Variants in SERPINI1 observed in about 807,000 individuals in gnomAD.
The protein encoded by SERPINI1 is serpin family I member 1.
SERPINI1 carries 19 observed loss-of-function variants against 41.1 expected under a neutral mutation model. The observed-to-expected ratio is 0.46, with a 90% CI of 0.32 to 0.68. The LOEUF (loss-of-function observed/expected upper bound fraction) is 0.68, where lower values mean the gene tolerates loss of function less well. Ranked by LOEUF, SERPINI1 falls within the 30% of genes least tolerant of loss-of-function variation. The pLI, the probability that SERPINI1 is intolerant of heterozygous loss-of-function variation, is 0.03. For missense variants in SERPINI1, 460 were observed against 479.2 expected (o/e 0.96, Z 0.37); for synonymous variants, 138 against 156.6 (o/e 0.88, Z 0.89).
At position 167,821,985 on chromosome 3, in the gene SERPINI1, G is replaced by T. The variant is rs78822092; in HGVS notation, c.980-1001G>T. Among the ~76,000 whole-genome samples, 1,390 of 152,234 alleles carry T rather than the reference G, an allele frequency of 9.1e-3. 22 individuals are homozygous for T. The highest frequency in any genetic ancestry group is 0.032 in the African/African-American group (1,310 of 41,540). On this transcript the variant is annotated intron_variant, in intron 6 of 8. Coordinates refer to ENST00000446050, the MANE Select transcript of SERPINI1 (RefSeq NM_001122752.2). Reference sequence around the variant, plus strand: ...TTTTATTAAAGCCCTCAGCTGATTGGATGAGGCCTACCCACATTGTGAAGG... The same window carrying T: ...TTTTATTAAAGCCCTCAGCTGATTGTATGAGGCCTACCCACATTGTGAAGG...
At chr3:167,762,771 T>G (rs1186481367) in intron 1 of SERPINI1, among the ~76,000 whole-genome samples, 4 of 149,778 alleles carry the variant, frequency 2.7e-5, no homozygotes. Context: ...TTCACTGAGG[T>G]TTTTTTTTTC....
chr3:167,737,482 A>C (rs1409982270), intron 1 of SERPINI1, among the ~76,000 whole-genome samples: 1 of 148,140 alleles, frequency 6.8e-6, no homozygotes, highest in Non-Finnish European at 1.5e-5. Flanking sequence ...TTTTGGGGGT[A>C]AAAAAAAAAG....
intron 1 of SERPINI1, among the ~76,000 whole-genome samples, chr3:167,758,535 T>A (rs1726264813): frequency 6.6e-6 from 1 of 152,194 alleles, no homozygotes. Context: ...TTAATCATTG[T>A]TGCAGATAAT....
chr3:167,750,393 G>A (rs1038333233), intron 1 of SERPINI1, among the ~76,000 whole-genome samples: 6 of 152,170 alleles, frequency 3.9e-5, no homozygotes, highest in Non-Finnish European at 4.4e-5. Flanking sequence ...GGGAAAGTAA[G>A]AACAAGATGA....
chr3:167,736,338 G>A (rs9839668), intron 1 of SERPINI1, among the ~76,000 whole-genome samples: 84,994 of 152,102 alleles, frequency 0.56, 26,529 homozygotes, highest in African/African-American at 0.85. Context: ...AAAGAAGCAA[G>A]TGCAGGCAGG....
At chr3:167,816,637 A>G (rs969673505) in intron 6 of SERPINI1, among the ~76,000 whole-genome samples, 4 of 152,182 alleles carry the variant, frequency 2.6e-5, no homozygotes, top group Non-Finnish European at 2.9e-5. Context: ...GCCTTAAGGA[A>G]GTAGACTGTC....
Position 167,784,019 on chromosome 3 carries a change from C to T in SERPINI1, c.-18-5092C>T, listed in dbSNP as rs74986487. Among the ~76,000 whole-genome samples, 475 of 152,336 alleles carry T rather than the reference C, an allele frequency of 3.1e-3. 2 individuals carry two copies. The highest frequency in any genetic ancestry group is 0.011 in the African/African-American group (449 of 41,578). The stretch of plus-strand genomic sequence containing the variant: ...CCTGGCAGAGGCCCTCTCCCACAAA[C>T]ATAATGGGAGCTCTTTCCAGGAGTC... On this transcript the variant is annotated intron_variant, in intron 1 of 8. Coordinates refer to ENST00000446050, the MANE Select transcript of SERPINI1 (RefSeq NM_001122752.2).
chr3:167,792,790 A>T lies in SERPINI1; in HGVS notation c.676+6A>T. On this transcript the variant is annotated splice_donor_region_variant and intron_variant, in intron 4 of 8. Transcript: ENST00000446050. The stretch of plus-strand genomic sequence containing the variant: ...GCAAGGAGAATTTTATTATGGTAAG[A>T]CATTTTTTGCTTTTATTTCTCTCTT... The T allele has an allele frequency of 6.2e-7, 1 of 1,610,968 alleles. No homozygotes were observed. The highest frequency in any genetic ancestry group is 1.1e-5 in the South Asian group (1 of 90,986).
intron 1 of SERPINI1, among the ~76,000 whole-genome samples, chr3:167,746,105 G>T (rs1032761798): frequency 6.6e-6 from 1 of 152,092 alleles, no homozygotes; most frequent in Non-Finnish European, 1.5e-5. Context: ...TGTGTCAGTG[G>T]AACAGAATTC....
intron 1 of SERPINI1, among the ~76,000 whole-genome samples, chr3:167,740,056 A>G (rs115385404): frequency 0.048 from 6,969 of 146,132 alleles, 547 homozygotes; most frequent in African/African-American, 0.17. Flanking sequence ...TTTCTGAGAC[A>G]GGGTCTGACT....
intron 3 of SERPINI1, 130 bp downstream of exon 3, chr3:167,790,732 AT>A (rs1045158080): frequency 1.5e-4 from 107 of 699,426 alleles, no homozygotes; most frequent in Non-Finnish European, 1.1e-4. Flanking sequence ...TCTAATAATT[AT>A]TTTGTATAGA....
intron 1 of SERPINI1, among the ~76,000 whole-genome samples, chr3:167,786,653 T>A (rs1172023739): frequency 6.6e-6 from 1 of 152,130 alleles, no homozygotes; most frequent in Non-Finnish European, 1.5e-5. Context: ...CCTAGAACAT[T>A]ACTGTATGTT....
chr3:167,742,378 G>C (rs914003746), intron 1 of SERPINI1, among the ~76,000 whole-genome samples: 1 of 152,158 alleles, frequency 6.6e-6, no homozygotes, highest in Non-Finnish European at 1.5e-5. Flanking sequence ...TCCAGAACAA[G>C]AAGTCTGAGG....
At chr3:167,790,879 C>T (rs1404616282) in intron 3 of SERPINI1, among the ~76,000 whole-genome samples, 1 of 152,012 alleles carries the variant, frequency 6.6e-6, no homozygotes, top group East Asian at 1.9e-4. Flanking sequence ...GTAATCTTAA[C>T]CACTTTATGA....
At chr3:167,759,754 T>C (rs925992727) in intron 1 of SERPINI1, among the ~76,000 whole-genome samples, 2 of 152,068 alleles carry the variant, frequency 1.3e-5, no homozygotes, top group Non-Finnish European at 2.9e-5. Context: ...CCTCCACATG[T>C]ACTCCCTGAA....
chr3:167,814,532 C>T (rs968575020), intron 6 of SERPINI1, among the ~76,000 whole-genome samples: 4 of 152,100 alleles, frequency 2.6e-5, no homozygotes, highest in Non-Finnish European at 5.9e-5. Context: ...TTAAGCATGC[C>T]GTTCATGACG....
At chr3:167,802,544 C>T in intron 5 of SERPINI1, among the ~76,000 whole-genome samples, 1 of 151,388 alleles carries the variant, frequency 6.6e-6, no homozygotes, top group Admixed American at 6.6e-5. Flanking sequence ...CATCACTGGC[C>T]ATCAGAGAAA....
At chr3:167,791,234 TCA>T (rs1032809833) in intron 3 of SERPINI1, among the ~76,000 whole-genome samples, 3 of 152,152 alleles carry the variant, frequency 2.0e-5, no homozygotes, top group Non-Finnish European at 4.4e-5. Context: ...ATAATTGAAA[TCA>T]CAGTCCTAAA....
chr3:167,779,256 T>G (rs568479508), intron 1 of SERPINI1, among the ~76,000 whole-genome samples: 44 of 152,338 alleles, frequency 2.9e-4, no homozygotes, highest in African/African-American at 9.4e-4. Flanking sequence ...GTTATAATCT[T>G]GACTCTCATA....
Sources: gnomAD v4.1 joint callset for allele counts (sites outside exome capture counted in the v4.1 genomes callset) on GRCh38, gnomAD v4.1.1 for gene constraint, MANE v1.5 for transcripts, NCBI Gene and HGNC (gene_info 2026-07-23, HGNC 2026-07-21) for gene names.